The following USP49 variants were observed in gnomAD, a reference collection of about 807,000 sequenced individuals.
USP49 encodes the protein ubiquitin specific peptidase 49.
USP49 carries 24 observed loss-of-function variants against 58.6 expected under a neutral mutation model. The ratio of observed to expected loss-of-function variants is 0.41; its 90% confidence interval spans 0.30 to 0.58. The LOEUF is 0.58. Among genes scored for constraint, USP49 ranks in the 20% least tolerant of loss-of-function variants. The pLI, the probability that USP49 is intolerant of heterozygous loss-of-function variation, is 0.30. For synonymous variants in USP49, 408 were observed against 365.1 expected, an observed-to-expected ratio of 1.12 and a Z score of -1.34; for missense variants, 703 against 866.1, an observed-to-expected ratio of 0.81 and a Z score of 2.36.
intron 3 of USP49, among the ~76,000 whole-genome samples, chr6:41,844,778 C>G (rs563771269): frequency 6.6e-6 from 1 of 152,254 alleles, no homozygotes; most frequent in African/African-American, 2.4e-5. Context: ...TTCATCTGCT[C>G]ATAACCGCTG....
At chr6:41,854,662 A>G (rs1438118694) in intron 3 of USP49, among the ~76,000 whole-genome samples, 1 of 152,218 alleles carries the variant, frequency 6.6e-6, no homozygotes, top group Non-Finnish European at 1.5e-5. Flanking sequence ...GTTGGTGTAT[A>G]TGTGTGTGTG....
chr6:41,803,998 A>T lies in USP49; in HGVS notation c.1369T>A (p.Ser457Thr). ...ATGGTATTGGATTTGTAATTGCATGATATACATGTGACCTAGAATGAAAAG... is the reference window on the plus strand; with the variant it reads ...ATGGTATTGGATTTGTAATTGCATGTTATACATGTGACCTAGAATGAAAAG... ...GQLLSQVTCI[S>T]CNYKSNTIEP... Residue 457 changes from serine to threonine, a missense_variant, in exon 5 of 8, where the codon TCA becomes ACA. By Grantham distance (58) the Ser-to-Thr change is moderately conservative. Coordinates refer to ENST00000682992, the MANE Select transcript of USP49 (RefSeq NM_001286554.2). The surrounding 1 kb of genome is among the most constrained non-coding windows in gnomAD (Gnocchi z 4.1). 1.9e-6 allele frequency: 3 copies of T among 1,614,074 alleles called. No homozygotes were observed. Among genetic ancestry groups the T allele is most frequent in the Non-Finnish European group, 2.5e-6 (3 of 1,179,978 alleles).
rs776938250 is a variant in USP49, at chr6:41,806,221, G to A, written c.763C>T (p.Leu255=). 3.7e-6 allele frequency: 6 copies of A among 1,611,664 alleles called. No homozygotes were observed. The highest frequency in any genetic ancestry group is 5.1e-6 in the Non-Finnish European group (6 of 1,180,016). Residue 255 remains leucine (L), a synonymous_variant, in exon 4 of 8, where the codon CTG becomes TTG. Coordinates refer to ENST00000682992, the MANE Select transcript of USP49 (RefSeq NM_001286554.2). This position sits in a 1 kb window ranked among gnomAD's most constrained non-coding sequence, Gnocchi z 5.9. Reference sequence around the variant, plus strand: ...TAGCAGGTGTTGCCCAGGTTGCGCAGGCCCGTGACGCCTGGGGCCATGGCC... The same window carrying A: ...TAGCAGGTGTTGCCCAGGTTGCGCAAGCCCGTGACGCCTGGGGCCATGGCC... ...QPAMAPGVTG[L]RNLGNTCYMN...
At chr6:41,825,119 C>T (rs1773516276) in intron 3 of USP49, among the ~76,000 whole-genome samples, 1 of 152,202 alleles carries the variant, frequency 6.6e-6, no homozygotes, top group Admixed American at 6.5e-5. Context: ...TCTTAGCTAC[C>T]TCTGCCCTGT....
chr6:41,828,720 ACAATCATATGACGCAT>A (rs1239254262), intron 3 of USP49, among the ~76,000 whole-genome samples: 3 of 152,282 alleles, frequency 2.0e-5, no homozygotes, highest in African/African-American at 7.2e-5. Context: ...TACAGTTAAT[ACAATCATATGACGCAT>A]CTTATAATTT....
chr6:41,848,937 G>A (rs1773972036), intron 3 of USP49, among the ~76,000 whole-genome samples: 1 of 152,016 alleles, frequency 6.6e-6, no homozygotes, highest in African/African-American at 2.4e-5. Flanking sequence ...GGCCTCAAGT[G>A]ATCTTCTTGT....
rs952296155 is a variant in USP49 at position 41,795,560 on chromosome 6, C to T, written c.*973G>A. 2 of 152,238 alleles carry T rather than the reference C, an allele frequency of 1.3e-5. No individual in the cohort carries two copies. The highest frequency in any genetic ancestry group is 4.1e-4 in the South Asian group (2 of 4,826). The allele number at this position is 152,238 out of a possible 1,614,324, so 9.4% of individuals were successfully genotyped here. A position where few individuals can be genotyped will look rare whatever the true frequency, so the allele number is the denominator to read the frequency against. On this transcript the variant is annotated 3_prime_UTR_variant, in exon 8 of 8. Transcript: ENST00000682992. ...CTGTGAACATGAATGTTCTAGCTCT[C>T]CAGGAGCAAGAAAGAAGCTGCAGGC...
At chr6:41,858,708 C>G (rs1429537156) in intron 3 of USP49, among the ~76,000 whole-genome samples, 1 of 152,048 alleles carries the variant, frequency 6.6e-6, no homozygotes, top group Non-Finnish European at 1.5e-5. Context: ...TTGCCATCCT[C>G]ACTTCATTCA....
At position 41,792,521 on chromosome 6, in the gene USP49, G is replaced by C. The variant is rs1581984443; in HGVS notation, c.*4012C>G. ...AGGGATATAGTATTCATTTAAGAAG[G>C]GGTAGCCCCCCAGCCTGATTTAAAA... On this transcript the variant is annotated 3_prime_UTR_variant, in exon 8 of 8. Transcript: ENST00000682992. The C allele has an allele frequency of 1.5e-5, 1 of 65,306 alleles. No homozygotes were observed. Among genetic ancestry groups the C allele is most frequent in the Non-Finnish European group, 3.5e-5 (1 of 28,284 alleles). 4.0% of individuals were successfully genotyped at this position (65,306 alleles called of 1,614,324 possible).
At position 41,792,713 on chromosome 6, in the gene USP49, A is replaced by C. The variant is rs956506508; in HGVS notation, c.*3820T>G. On this transcript the variant is annotated 3_prime_UTR_variant, in exon 8 of 8. Transcript: ENST00000682992. ...TAAGAATAATTTGCATTCACACACA[A>C]GAGACATGAAATGCTTTTTAAAAGT... The C allele has an allele frequency of 6.6e-6, 1 of 152,256 alleles. No individual in the cohort carries two copies. The highest frequency in any genetic ancestry group is 1.5e-5 in the Non-Finnish European group (1 of 68,052). The allele number at this position is 152,256 out of a possible 1,614,324, so 9.4% of individuals were successfully genotyped here. A position where few individuals can be genotyped will look rare whatever the true frequency, so the allele number is the denominator to read the frequency against.
At chr6:41,805,112 A>G (rs1474993215) in intron 4 of USP49, among the ~76,000 whole-genome samples, 1 of 152,162 alleles carries the variant, frequency 6.6e-6, no homozygotes, top group Non-Finnish European at 1.5e-5. Flanking sequence ...CTGTCTAAGC[A>G]TTTTTGCTTA....
intron 3 of USP49, among the ~76,000 whole-genome samples, chr6:41,863,216 A>G (rs1774253407): frequency 6.6e-6 from 1 of 152,158 alleles, no homozygotes; most frequent in Non-Finnish European, 1.5e-5. Context: ...TCATGTCACA[A>G]TCAAGTCAGT....
rs573649317 is a variant in USP49 at position 41,815,164 on chromosome 6, T to TAC, written c.-28-8154_-28-8153insGT. Among the ~76,000 whole-genome samples the TAC allele has an allele frequency of 9.3e-4, 141 of 152,316 alleles. 1 individual carries two copies. Among genetic ancestry groups the TAC allele is most frequent in the African/African-American group, 3.3e-3 (136 of 41,572 alleles). On this transcript the variant is annotated intron_variant, in intron 3 of 7. Coordinates refer to ENST00000682992, the MANE Select transcript of USP49 (RefSeq NM_001286554.2). ...GGCCGGGCGTGGTGGCTCACACCTG[T>TAC]AATCCCAGCACTTTGGGAGGCCGAG...
chr6:41,862,275 C>T (rs559857141), intron 3 of USP49, among the ~76,000 whole-genome samples: 2 of 152,260 alleles, frequency 1.3e-5, no homozygotes, highest in South Asian at 2.1e-4. Flanking sequence ...CACTAATTTA[C>T]GCTATCCCCT....
chr6:41,796,874 T>C (rs79479462), intron 7 of USP49, among the ~76,000 whole-genome samples, 151 bp from the exon 8 acceptor site: 2,544 of 151,812 alleles, frequency 0.017, 54 homozygotes, highest in African/African-American at 0.051. Context: ...TAAATGAAAC[T>C]GACAGACTTT....
At chr6:41,799,724 C>T in intron 6 of USP49, 106 bp downstream of exon 6, 1 of 965,764 alleles carries the variant, frequency 1.0e-6, no homozygotes, top group South Asian at 1.5e-5. Flanking sequence ...CTCAAGTGAA[C>T]AGGCTTCCCC....
intron 3 of USP49, among the ~76,000 whole-genome samples, chr6:41,825,365 T>C (rs779137635): frequency 5.9e-5 from 9 of 152,008 alleles, no homozygotes; most frequent in Non-Finnish European, 1.2e-4. Flanking sequence ...GCATGAATCA[T>C]TGCCTGAGAT....
At chr6:41,840,385 A>AG (rs1409006984) in intron 3 of USP49, among the ~76,000 whole-genome samples, 23 of 151,292 alleles carry the variant, frequency 1.5e-4, no homozygotes, top group African/African-American at 3.4e-4. Context: ...AAAAAAAAAA[A>AG]AAAAGAAAAT....
At chr6:41,819,526 A>AT (rs1466665328) in intron 3 of USP49, among the ~76,000 whole-genome samples, 3 of 152,160 alleles carry the variant, frequency 2.0e-5, no homozygotes. Context: ...ACTTTCTTGA[A>AT]TTGTACCCTT....
Sources: allele counts gnomAD v4.1 joint callset (sites outside exome capture counted in the v4.1 genomes callset), GRCh38; gene constraint gnomAD v4.1.1; non-coding constraint Gnocchi (gnomAD v3.1); transcripts MANE v1.5; gene names NCBI Gene and HGNC (gene_info 2026-07-23, HGNC 2026-07-21).